Variants in ABCC4 observed in about 807,000 individuals in gnomAD.
ABCC4 encodes ATP binding cassette subfamily C member 4 (PEL blood group), also known as ATP-binding cassette sub-family C member 4.
In ABCC4, 102 loss-of-function variants were observed where a neutral mutation model predicts 168.5. The observed-to-expected ratio is 0.61, with a 90% confidence interval of 0.52 to 0.71. ABCC4 has a LOEUF of 0.71. Among genes scored for constraint, ABCC4 ranks in the 30% least tolerant of loss-of-function variants. ABCC4 has a pLI of 0.00. For missense variants in ABCC4, 1,402 were observed against 1,605.8 expected, an observed-to-expected ratio of 0.87 and a Z score of 2.17; for synonymous variants, 617 against 590.7, an observed-to-expected ratio of 1.04 and a Z score of -0.65.
At chr13:95,123,010 T>C (rs114505311) in intron 19 of ABCC4, among the ~76,000 whole-genome samples, 2,560 of 152,316 alleles carry the variant, frequency 0.017, 84 homozygotes, top group African/African-American at 0.056. Flanking sequence ...CATGACAAAT[T>C]GGAGAAAATG....
At chr13:95,191,592 G>A (rs896571112) in intron 9 of ABCC4, among the ~76,000 whole-genome samples, 1 of 152,204 alleles carries the variant, frequency 6.6e-6, no homozygotes, top group East Asian at 1.9e-4. Context: ...AGTCTTGCTT[G>A]ACTTCGCCTT....
intron 20 of ABCC4, among the ~76,000 whole-genome samples, chr13:95,106,941 C>T (rs1168227633): frequency 6.6e-6 from 1 of 152,068 alleles, no homozygotes; most frequent in Non-Finnish European, 1.5e-5. Flanking sequence ...TGGGGGAGTT[C>T]AGATCCTTTA....
At chr13:95,257,830 C>A (rs1212573660) in intron 1 of ABCC4, among the ~76,000 whole-genome samples, 1 of 152,120 alleles carries the variant, frequency 6.6e-6, no homozygotes, top group African/African-American at 2.4e-5. Context: ...CTTCTCAAGG[C>A]TAAACAACTG....
rs2032046185 is a variant in ABCC4 at position 95,034,734 on chromosome 13, T to C, written c.3741A>G (p.Leu1247=). 1 of 1,614,124 alleles carries C rather than the reference T, an allele frequency of 6.2e-7. No individual in the cohort carries two copies. ...CATATTCTTTCAGTCTTCCTGAATC[T>C]AAAACCTGTTAATCAGCAGAAAGAA... ...TIIDSDKIMV[L]DSGRLKEYDE... Residue 1247 remains leucine, a synonymous_variant, in exon 30 of 31, where the codon TTA becomes TTG. Transcript: ENST00000645237.
chr13:95,025,179 CCACA>C (rs202160354), intron 30 of ABCC4, among the ~76,000 whole-genome samples: 1 of 140,366 alleles, frequency 7.1e-6, no homozygotes, highest in African/African-American at 2.8e-5. Context: ...ACACACACAC[CCACA>C]CACACCCACA....
At chr13:95,158,900 T>G (rs1237185494) in intron 19 of ABCC4, among the ~76,000 whole-genome samples, 1 of 151,286 alleles carries the variant, frequency 6.6e-6, no homozygotes, top group Non-Finnish European at 1.5e-5. Flanking sequence ...TGAGATCCCA[T>G]CTCTTCAAAA....
chr13:95,250,306 C>A (rs1383685147), intron 1 of ABCC4, among the ~76,000 whole-genome samples: 1 of 152,120 alleles, frequency 6.6e-6, no homozygotes, highest in Admixed American at 6.6e-5. Flanking sequence ...CCCTTATCTC[C>A]CACAATACTT....
chr13:95,284,369 G>A (rs572014978), intron 1 of ABCC4, among the ~76,000 whole-genome samples: 2 of 152,152 alleles, frequency 1.3e-5, no homozygotes, highest in East Asian at 3.9e-4. Flanking sequence ...TGTATTTTTT[G>A]TAGAGACAAG....
intron 30 of ABCC4, among the ~76,000 whole-genome samples, chr13:95,032,447 T>C (rs1455303856): frequency 6.6e-6 from 1 of 152,222 alleles, no homozygotes; most frequent in African/African-American, 2.4e-5. Context: ...ATGTATTTGT[T>C]AGTGCCCAGC....
intron 19 of ABCC4, among the ~76,000 whole-genome samples, chr13:95,151,732 A>T (rs142160580): frequency 6.6e-6 from 1 of 152,194 alleles, no homozygotes; most frequent in Non-Finnish European, 1.5e-5. Context: ...CTTTTGTTTC[A>T]ATGTTTGGGA....
chr13:95,062,747 A>G lies in ABCC4; in HGVS notation c.3323T>C (p.Ile1108Thr), dbSNP rs1566382934. 1 of 1,614,050 alleles carries G rather than the reference A, an allele frequency of 6.2e-7. No individual in the cohort carries two copies. Residue 1108 changes from isoleucine to threonine, a missense_variant, in exon 26 of 31, where the codon ATT (isoleucine) becomes ACT (threonine). Around this residue, in one of 3 missense-constraint regions of ABCC4, gnomAD observed 1,007 missense variants for 1,127.3 expected, o/e 0.89. Transcript: ENST00000645237. ...IWIDKILTTE[I>T]GLHDLRKKMS... Reference sequence around the variant, plus strand: ...CTTCTTCCTTAAATCGTGAAGTCCAATTTCAGTTGTCAAGATCTTATCAAT... The same window carrying G: ...CTTCTTCCTTAAATCGTGAAGTCCAGTTTCAGTTGTCAAGATCTTATCAAT...
chr13:95,299,254 C>T (rs896114536), intron 1 of ABCC4, among the ~76,000 whole-genome samples: 2 of 117,484 alleles, frequency 1.7e-5, no homozygotes, highest in Non-Finnish European at 3.4e-5. Context: ...TTGCACAAAG[C>T]AAGATCCTGT....
chr13:95,273,549 C>G (rs771265079), intron 1 of ABCC4, among the ~76,000 whole-genome samples: 1 of 152,152 alleles, frequency 6.6e-6, no homozygotes, highest in Non-Finnish European at 1.5e-5. Context: ...GCCTTCTGTT[C>G]CATGGGGACT....
At chr13:95,080,908 T>A (rs1234351970) in intron 21 of ABCC4, among the ~76,000 whole-genome samples, 1 of 152,134 alleles carries the variant, frequency 6.6e-6, no homozygotes, top group Non-Finnish European at 1.5e-5. Context: ...CAGTCAGGCA[T>A]CCTGCTTTCA....
chr13:95,209,698 T>G (rs2139682517), intron 5 of ABCC4, 101 bp from the exon 6 acceptor site: 3 of 1,163,822 alleles, frequency 2.6e-6, no homozygotes, highest in Admixed American at 3.0e-5. Flanking sequence ...GGCAAGATCC[T>G]AAACAGAAAT....
chr13:95,272,130 C>T (rs1044588465), intron 1 of ABCC4, among the ~76,000 whole-genome samples: 2 of 152,056 alleles, frequency 1.3e-5, no homozygotes, highest in South Asian at 2.1e-4. Context: ...CTGCAACCTC[C>T]ACCTCCTAGG....
chr13:95,072,452 A>T (rs56087278), intron 24 of ABCC4, among the ~76,000 whole-genome samples: 1 of 152,006 alleles, frequency 6.6e-6, no homozygotes. Context: ...CAAGAGCAAA[A>T]CTCTGTCCCC....
intron 19 of ABCC4, among the ~76,000 whole-genome samples, chr13:95,119,902 A>G (rs1165999680): frequency 6.6e-6 from 1 of 152,206 alleles, no homozygotes; most frequent in Non-Finnish European, 1.5e-5. Flanking sequence ...AGACATTTTT[A>G]TGCCCCCACT....
intron 9 of ABCC4, among the ~76,000 whole-genome samples, chr13:95,188,878 AATAT>A: frequency 6.6e-6 from 1 of 152,098 alleles, no homozygotes; most frequent in African/African-American, 2.4e-5. Flanking sequence ...TTACTAAAAC[AATAT>A]ATATATATTT....
Sources: gnomAD v4.1 joint callset for allele counts (sites outside exome capture counted in the v4.1 genomes callset) on GRCh38, gnomAD v4.1.1 for gene constraint, gnomAD v4.1.1 regional missense constraint, MANE v1.5 for transcripts, NCBI Gene and HGNC (gene_info 2026-07-23, HGNC 2026-07-21) for gene names.